Variants in SMARCA2 observed in about 807,000 individuals in gnomAD.
SMARCA2 encodes the protein SWI/SNF-related matrix-associated actin-dependent regulator of chromatin subfamily A member 2.
Under a neutral mutation model 199.8 loss-of-function variants are expected in SMARCA2, and 61 were observed. That is an observed-to-expected ratio of 0.31 (90% CI 0.25 to 0.38). SMARCA2 has a LOEUF of 0.38. Among genes scored for constraint, SMARCA2 ranks in the 10% least tolerant of loss-of-function variants. SMARCA2 has a pLI of 1.00. For missense variants in SMARCA2, 1,344 were observed against 2,012.2 expected (o/e 0.67, Z 6.35); for synonymous variants, 935 against 732.0 (o/e 1.28, Z -4.48).
intron 18 of SMARCA2, 78 bp from the exon 19 acceptor site, chr9:2,088,422 C>T (rs2130492448): frequency 6.8e-7 from 1 of 1,479,424 alleles, no homozygotes; most frequent in Non-Finnish European, 9.0e-7. Context: ...TTGAACCACA[C>T]ATATGTAACA....
intron 10 of SMARCA2, chr9:2,072,086 G>A (rs1278084134): frequency 6.6e-6 from 1 of 152,102 alleles, no homozygotes; most frequent in Non-Finnish European, 1.5e-5. Context: ...TTTTCATTTT[G>A]TTTTGTTTTT....
intron 32 of SMARCA2, among the ~76,000 whole-genome samples, 163 bp downstream of exon 32, chr9:2,186,391 T>A (rs1827456970): frequency 6.6e-6 from 1 of 152,230 alleles, no homozygotes; most frequent in Non-Finnish European, 1.5e-5. Context: ...TCCTTATCCC[T>A]GCTCATGCTC....
At chr9:2,105,212 T>C (rs1056499629) in intron 23 of SMARCA2, among the ~76,000 whole-genome samples, 1 of 152,094 alleles carries the variant, frequency 6.6e-6, no homozygotes, top group African/African-American at 2.4e-5. Flanking sequence ...TTCAAATTAA[T>C]TATACCATTT....
At position 2,088,578 on chromosome 9, in the gene SMARCA2, C is replaced by T. The variant is rs747406208; in HGVS notation, c.2848C>T (p.Leu950=). 2.5e-6 allele frequency: 4 copies of T among 1,595,226 alleles called. No individual in the cohort carries two copies. The East Asian group carries it at 9.0e-5, about 36-fold the overall frequency. Residue 950 remains leucine (L), a synonymous_variant, in exon 19 of 34, where the codon CTG becomes TTG. Transcript: ENST00000349721. ...GTTAAGACCATTTTTACTAAGGAGA[C>T]TGAAGAAAGAAGTTGAATCCCAGCT... ...KVLRPFLLRR[L]KKEVESQLPE... is the part of the protein sequence containing the mutation.
intron 30 of SMARCA2, among the ~76,000 whole-genome samples, 159 bp from the exon 31 acceptor site, chr9:2,181,957 ATGACAGTGGGAGTGGGAGGGTGGAC>A (rs1273583949): frequency 6.6e-6 from 1 of 152,210 alleles, no homozygotes; most frequent in African/African-American, 2.4e-5. Flanking sequence ...GGCAAAAGGA[ATGACAGTGGGAGTGGGAGGGTGGAC>A]TTGGTGAATG....
chr9:2,162,914 G>C (rs1333809492), intron 28 of SMARCA2: 1 of 152,192 alleles, frequency 6.6e-6, no homozygotes, highest in Non-Finnish European at 1.5e-5. Flanking sequence ...TGTAACAACA[G>C]ATACTACACT....
chr9:2,038,132 A>G (rs182698967), intron 3 of SMARCA2, among the ~76,000 whole-genome samples: 5 of 152,352 alleles, frequency 3.3e-5, no homozygotes, highest in African/African-American at 1.2e-4. Context: ...TTATTTTCAT[A>G]TAACCAAATT....
intron 2 of SMARCA2, 71 bp downstream of exon 2, chr9:2,029,318 C>T (rs1818964005): frequency 1.3e-6 from 2 of 1,547,128 alleles, no homozygotes; most frequent in African/African-American, 2.7e-5. Context: ...ATAACCCCAT[C>T]CCCCTTTCTA....
chr9:2,041,317 T>A (rs10964532), intron 4 of SMARCA2: 36,982 of 398,414 alleles, frequency 0.093, 2,478 homozygotes, highest in African/African-American at 0.24. Flanking sequence ...AAACAGCAAA[T>A]TTATTTCTTA....
At chr9:2,083,504 T>C in intron 16 of SMARCA2, 91 bp downstream of exon 16, 1 of 786,344 alleles carries the variant, frequency 1.3e-6, no homozygotes, top group South Asian at 1.7e-5. Flanking sequence ...GAACTGTATT[T>C]GGTTGTAAAG....
chr9:2,089,839 C>T (rs1054901429), intron 19 of SMARCA2, among the ~76,000 whole-genome samples: 4 of 152,018 alleles, frequency 2.6e-5, no homozygotes, highest in Non-Finnish European at 4.4e-5. Flanking sequence ...CATACAGTTA[C>T]GGTGATTCTG....
At chr9:2,096,163 G>A (rs1209557384) in intron 19 of SMARCA2, among the ~76,000 whole-genome samples, 1 of 152,112 alleles carries the variant, frequency 6.6e-6, no homozygotes. Context: ...TCACCCTAGG[G>A]ATGTTATAAA....
chr9:2,083,224 G>A lies in SMARCA2; in HGVS notation c.2349-123G>A, dbSNP rs12551511. ...ACACCTTTAAAATAAATATCTTGTT[G>A]AGATATGTTATATTCTGTAGCCCCT... is the stretch of plus-strand genomic sequence containing the variant. On this transcript the variant is annotated intron_variant, in intron 15 of 33. Transcript: ENST00000349721. The A allele has an allele frequency of 9.6e-3, 4,860 of 506,624 alleles. 30 individuals are homozygous for A. The highest frequency in any genetic ancestry group is 0.017 in the Middle Eastern group (32 of 1,908). The allele number at this position is 506,624 out of a possible 1,614,324, so 31.4% of individuals were successfully genotyped here. A position where few individuals can be genotyped will look rare whatever the true frequency, so the allele number is the denominator to read the frequency against.
intron 2 of SMARCA2, among the ~76,000 whole-genome samples, chr9:2,030,279 C>G (rs892538223): frequency 2.0e-5 from 3 of 152,284 alleles, no homozygotes; most frequent in Admixed American, 6.5e-5. Context: ...AGTCACCAAT[C>G]TGGATACCCA....
intron 27 of SMARCA2, among the ~76,000 whole-genome samples, chr9:2,142,544 G>T (rs1191682381): frequency 2.0e-5 from 3 of 152,134 alleles, no homozygotes; most frequent in African/African-American, 7.2e-5. Context: ...GGTTTGGCCT[G>T]TTGAGTCTAG....
At chr9:2,162,752 A>T (rs73393343) in intron 28 of SMARCA2, 1 of 152,120 alleles carries the variant, frequency 6.6e-6, no homozygotes, top group Non-Finnish European at 1.5e-5. Flanking sequence ...ATTGAAAAAA[A>T]TTTTTTCTTA....
chr9:2,182,242 G>A lies in SMARCA2; in HGVS notation c.4461G>A (p.Gln1487=). The A allele has an allele frequency of 6.3e-7, 1 of 1,597,120 alleles. No individual in the cohort carries two copies. Among genetic ancestry groups the A allele is most frequent in the Non-Finnish European group, 8.6e-7 (1 of 1,165,792 alleles). The change falls in exon 31 of 34, where the codon CAG becomes CAA. Residue 1487 remains glutamine, a splice_region_variant and synonymous_variant. Transcript: ENST00000349721. ...NAQTFNLEGS[Q]IYEDSIVLQS... is the part of the protein sequence containing the mutation. The stretch of plus-strand genomic sequence containing the variant: ...AGACGTTCAACCTGGAGGGATCCCA[G>A]GTCTGTCTTGTTAAGTTGTCTAAAA...
chr9:2,160,223 TTTTCC>T, intron 27 of SMARCA2: 8 of 388,842 alleles, frequency 2.1e-5, no homozygotes, highest in East Asian at 4.2e-5. Flanking sequence ...TTTTTTTTTT[TTTTCC>T]TTTTCCTTTT....
At chr9:2,192,627 C>T in intron 33 of SMARCA2, 77 bp from the exon 34 acceptor site, 1 of 1,016,544 alleles carries the variant, frequency 9.8e-7, no homozygotes, top group Middle Eastern at 2.2e-4. Flanking sequence ...CTACTGGCCT[C>T]TTGATGGTTT....
Sources: allele counts gnomAD v4.1 joint callset (sites outside exome capture counted in the v4.1 genomes callset), GRCh38; gene constraint gnomAD v4.1.1; transcripts MANE v1.5; gene names NCBI Gene and HGNC (gene_info 2026-07-23, HGNC 2026-07-21).